GTF2H5: variants seen among roughly 807,000 people sequenced by gnomAD.
The protein encoded by GTF2H5 is TFB5 ortholog.
Under a neutral mutation model 7.1 loss-of-function variants are expected in GTF2H5, and 5 were observed. The observed-to-expected ratio is 0.71, with a 90% CI of 0.37 to 1.49. The LOEUF (loss-of-function observed/expected upper bound fraction) is 1.49, where lower values mean the gene tolerates loss of function less well. Among genes scored for constraint, GTF2H5 ranks in the 40% most tolerant of loss-of-function variants. GTF2H5 has a pLI of 0.03. For missense variants in GTF2H5, 80 were observed against 83.0 expected (o/e 0.96, Z 0.14); for synonymous variants, 30 against 31.7 (o/e 0.95, Z 0.18).
chr6:158,175,970 T>C (rs1785927384), intron 2 of GTF2H5, among the ~76,000 whole-genome samples: 2 of 152,240 alleles, frequency 1.3e-5, no homozygotes. Context: ...GTACTAACGC[T>C]GTTTTCCATG....
In GTF2H5 at chr6:158,192,200, G is replaced by C; in HGVS notation, c.*43G>C. ...CATTTAGGAATTATAAGCAGCAACTGTGAAAGACTTGCCACTCAATATCTT... is the reference window on the plus strand; with the variant it reads ...CATTTAGGAATTATAAGCAGCAACTCTGAAAGACTTGCCACTCAATATCTT... On this transcript the variant is annotated 3_prime_UTR_variant, in exon 3 of 3. Transcript: ENST00000607778. The C allele has an allele frequency of 2.0e-6, 3 of 1,473,376 alleles. No individual in the cohort carries two copies. The highest frequency in any genetic ancestry group is 2.8e-6 in the Non-Finnish European group (3 of 1,054,576). The allele number at this position is 1,473,376 out of a possible 1,614,324, so 91.3% of individuals were successfully genotyped here. A position where few individuals can be genotyped will look rare whatever the true frequency, so the allele number is the denominator to read the frequency against.
At chr6:158,191,633 C>T (rs1257943116) in intron 2 of GTF2H5, among the ~76,000 whole-genome samples, 1 of 152,136 alleles carries the variant, frequency 6.6e-6, no homozygotes, top group Non-Finnish European at 1.5e-5. Context: ...CAGGCACCCG[C>T]CACCACACCC....
intron 2 of GTF2H5, among the ~76,000 whole-genome samples, chr6:158,172,430 G>A (rs1040721585): frequency 5.9e-5 from 9 of 151,944 alleles, no homozygotes; most frequent in African/African-American, 1.9e-4. Context: ...GAGTAGCTGG[G>A]ATTACAGGCA....
intron 2 of GTF2H5, among the ~76,000 whole-genome samples, chr6:158,173,533 C>T (rs1472994437): frequency 6.6e-6 from 1 of 152,164 alleles, no homozygotes; most frequent in East Asian, 1.9e-4. Context: ...CTGTTTATTA[C>T]TTCATAATAT....
intron 2 of GTF2H5, among the ~76,000 whole-genome samples, chr6:158,175,501 C>T (rs561308395): frequency 2.0e-5 from 3 of 152,324 alleles, no homozygotes; most frequent in African/African-American, 7.2e-5. Flanking sequence ...CAGTGGCTCA[C>T]GCCTGTAATC....
chr6:158,187,630 C>T (rs1012718633), intron 2 of GTF2H5, among the ~76,000 whole-genome samples: 8 of 152,094 alleles, frequency 5.3e-5, no homozygotes, highest in South Asian at 2.1e-4. Flanking sequence ...TTCAGTGGCG[C>T]GATCTTGGCT....
rs1777094012 is a variant in GTF2H5, at chr6:158,195,471, T to C, written c.*3314T>C. Reference sequence around the variant, plus strand: ...CAGGGATCCTATCTAACATCACAGTTGATGGATATAACAATGTATTTTGAG... The same window carrying C: ...CAGGGATCCTATCTAACATCACAGTCGATGGATATAACAATGTATTTTGAG... On this transcript the variant is annotated 3_prime_UTR_variant, in exon 3 of 3. Coordinates refer to ENST00000607778, the MANE Select transcript of GTF2H5 (RefSeq NM_207118.3). The C allele has an allele frequency of 1.3e-5, 2 of 152,208 alleles. No homozygotes were observed. Among genetic ancestry groups the C allele is most frequent in the Non-Finnish European group, 2.9e-5 (2 of 68,026 alleles). The allele number at this position is 152,208 out of a possible 1,614,324, so 9.4% of individuals were successfully genotyped here. A position where few individuals can be genotyped will look rare whatever the true frequency, so the allele number is the denominator to read the frequency against.
intron 1 of GTF2H5, among the ~76,000 whole-genome samples, chr6:158,169,387 A>G (rs1443183722): frequency 2.1e-5 from 2 of 96,830 alleles, no homozygotes; most frequent in Non-Finnish European, 3.6e-5. Flanking sequence ...ATTATATATT[A>G]TATATAATAT....
At chr6:158,169,234 G>T (rs1425717026) in intron 1 of GTF2H5, among the ~76,000 whole-genome samples, 1 of 136,882 alleles carries the variant, frequency 7.3e-6, no homozygotes, top group Non-Finnish European at 1.5e-5. Context: ...ACTCTGTCTC[G>T]AAGTGTATAT....
At chr6:158,169,490 G>A (rs11755090) in intron 1 of GTF2H5, among the ~76,000 whole-genome samples, 9 of 42,278 alleles carry the variant, frequency 2.1e-4, no homozygotes, top group East Asian at 2.4e-3. Context: ...ATAATATATT[G>A]TATATTATAT....
At position 158,192,358 on chromosome 6, in the gene GTF2H5, T is replaced by G. The variant is rs532803400; in HGVS notation, c.*201T>G. 7.3e-6 allele frequency: 4 copies of G among 548,392 alleles called. No homozygotes were observed. In the Admixed American group the frequency reaches 1.3e-4, roughly 17 times the overall value. The allele number at this position is 548,392 out of a possible 1,614,324, so 34.0% of individuals were successfully genotyped here. A position where few individuals can be genotyped will look rare whatever the true frequency, so the allele number is the denominator to read the frequency against. On this transcript the variant is annotated 3_prime_UTR_variant, in exon 3 of 3. Coordinates refer to ENST00000607778, the MANE Select transcript of GTF2H5 (RefSeq NM_207118.3). ...CATAGAATTTAAAAAAAAAAAAAGC[T>G]TTAACAGTTGGCTGTAATTTGGCTT...
rs1354819386 is a variant in GTF2H5 at position 158,193,379 on chromosome 6, T to C, written c.*1222T>C. 6.6e-6 allele frequency: 1 copy of C among 152,174 alleles called. No homozygotes were observed. Among genetic ancestry groups the C allele is most frequent in the African/African-American group, 2.4e-5 (1 of 41,440 alleles). 9.4% of individuals were successfully genotyped at this position (152,174 alleles called of 1,614,324 possible). ...CAGTAACACTGAGAGGGGCTTTGCT[T>C]CCCTTCCTGAAGATCATGTCATTGG... is the stretch of plus-strand genomic sequence containing the variant. On this transcript the variant is annotated 3_prime_UTR_variant, in exon 3 of 3. Coordinates refer to ENST00000607778, the MANE Select transcript of GTF2H5 (RefSeq NM_207118.3).
intron 2 of GTF2H5, among the ~76,000 whole-genome samples, chr6:158,187,923 G>T (rs1290350192): frequency 1.3e-5 from 2 of 152,098 alleles, no homozygotes; most frequent in Admixed American, 6.5e-5. Flanking sequence ...AAGGGAGGTG[G>T]GTATGAGGCA....
rs1443821445 is a variant in GTF2H5 at position 158,194,023 on chromosome 6, A to G, written c.*1866A>G. ...AAAAAAAAAAAATGAATTTCCAGCT[A>G]TACCAAAATGTTACTAATGTATCTT... On this transcript the variant is annotated 3_prime_UTR_variant, in exon 3 of 3. Coordinates refer to ENST00000607778, the MANE Select transcript of GTF2H5 (RefSeq NM_207118.3). 2.6e-5 allele frequency: 4 copies of G among 151,258 alleles called. No individual in the cohort carries two copies. The highest frequency in any genetic ancestry group is 5.9e-5 in the Non-Finnish European group (4 of 67,934). 9.4% of individuals were successfully genotyped at this position (151,258 alleles called of 1,614,324 possible). A position where few individuals can be genotyped will look rare whatever the true frequency, so the allele number is the denominator to read the frequency against.
rs1053882159 is a variant in GTF2H5 at position 158,196,791 on chromosome 6, C to G, written c.*4634C>G. On this transcript the variant is annotated 3_prime_UTR_variant, in exon 3 of 3. Transcript: ENST00000607778. Reference sequence around the variant, plus strand: ...ATGGATAATTCATTTTAAGAAAGGACAAGACAATGTTGAAGATGAAACCTA... The same window carrying G: ...ATGGATAATTCATTTTAAGAAAGGAGAAGACAATGTTGAAGATGAAACCTA... The G allele has an allele frequency of 6.6e-6, 1 of 152,142 alleles. No individual in the cohort carries two copies. The highest frequency in any genetic ancestry group is 1.5e-5 in the Non-Finnish European group (1 of 68,026). 9.4% of individuals were successfully genotyped at this position (152,142 alleles called of 1,614,324 possible).
Position 158,186,965 on chromosome 6 carries a change from G to C in GTF2H5, c.36-5012G>C, listed in dbSNP as rs180858584. On this transcript the variant is annotated intron_variant, in intron 2 of 2. Coordinates refer to ENST00000607778, the MANE Select transcript of GTF2H5 (RefSeq NM_207118.3). ...GGTAGCAGGCTTCAGAGTTGTTTTT[G>C]TTTTGTTTTGTGTTTTGTTTTGTGT... Among the ~76,000 whole-genome samples the C allele has an allele frequency of 1.7e-3, 244 of 147,460 alleles. 1 individual carries two copies. Among genetic ancestry groups the C allele is most frequent in the African/African-American group, 6.0e-3 (227 of 37,598 alleles).
intron 2 of GTF2H5, among the ~76,000 whole-genome samples, chr6:158,183,741 T>A (rs1349031858): frequency 6.6e-6 from 1 of 152,126 alleles, no homozygotes; most frequent in African/African-American, 2.4e-5. Context: ...GTCCGCTTGT[T>A]GCGAAGACAG....
chr6:158,189,304 C>G (rs74745741), intron 2 of GTF2H5, among the ~76,000 whole-genome samples: 7,349 of 152,128 alleles, frequency 0.048, 241 homozygotes, highest in Non-Finnish European at 0.068. Context: ...ACCCACCAAC[C>G]CTCCTCTTTA....
chr6:158,173,562 A>G (rs959512391), intron 2 of GTF2H5, among the ~76,000 whole-genome samples: 5 of 152,136 alleles, frequency 3.3e-5, no homozygotes, highest in Non-Finnish European at 7.3e-5. Flanking sequence ...TGTATGAAGC[A>G]TTTAGGTGTA....
Sources: gnomAD v4.1 joint callset for allele counts (sites outside exome capture counted in the v4.1 genomes callset) on GRCh38, gnomAD v4.1.1 for gene constraint, MANE v1.5 for transcripts, NCBI Gene and HGNC (gene_info 2026-07-23, HGNC 2026-07-21) for gene names.